Variants in ATXN10 observed in about 807,000 individuals in gnomAD.
ATXN10 encodes the protein ataxin-10.
Under a neutral mutation model 52.9 loss-of-function variants are expected in ATXN10, and 28 were observed. The ratio of observed to expected loss-of-function variants is 0.53; its 90% CI spans 0.39 to 0.73. The LOEUF is 0.73. Ranked by LOEUF, ATXN10 falls within the 30% of genes least tolerant of loss-of-function variation. The pLI, the probability that ATXN10 is intolerant of heterozygous loss-of-function variation, is 0.00. For missense variants in ATXN10, 565 were observed against 577.0 expected (o/e 0.98, Z 0.21); for synonymous variants, 226 against 221.5 (o/e 1.02, Z -0.18).
chr22:45,782,737 T>G (rs1927193186), intron 9 of ATXN10, among the ~76,000 whole-genome samples: 1 of 152,216 alleles, frequency 6.6e-6, no homozygotes, highest in South Asian at 2.1e-4. Flanking sequence ...ACGTAAGATT[T>G]GTGCACTTTA....
In ATXN10 at chr22:45,843,089, G is replaced by C. The variant is rs1481187112; in HGVS notation, c.1336G>C (p.Asp446His). 6.2e-7 allele frequency: 1 copy of C among 1,614,188 alleles called. No individual in the cohort carries two copies. Among genetic ancestry groups the C allele is most frequent in the Admixed American group, 1.7e-5 (1 of 60,024 alleles). The change falls in exon 11 of 12, where the codon GAT (aspartate) becomes CAT (histidine). Residue 446 changes from aspartate (D) to histidine (H), a missense_variant. By Grantham distance (81) the Asp-to-His change is moderately conservative. Coordinates refer to ENST00000252934, the MANE Select transcript of ATXN10 (RefSeq NM_013236.4). This position sits in a 1 kb window ranked among gnomAD's most constrained non-coding sequence, Gnocchi z 4.5. ...AAAGATGGAGGAACAGGGGCTGGCA[G>C]ATGCATCCCTACTTAAAAAAGTGGG... is the stretch of plus-strand genomic sequence containing the variant. The part of the protein sequence containing the change: ...IAKMEEQGLA[D>H]ASLLKKVGFE...
rs1371548364 is a variant in ATXN10 at position 45,693,188 on chromosome 22, A to G, written c.391+110A>G. On this transcript the variant is annotated intron_variant, in intron 3 of 11. Coordinates refer to ENST00000252934, the MANE Select transcript of ATXN10 (RefSeq NM_013236.4). The stretch of plus-strand genomic sequence containing the variant: ...AAACACATGTTCTGTATTTCATGAG[A>G]TAGGGAAACTTTAATAGTGAATTAT... 4.5e-6 allele frequency: 4 copies of G among 898,058 alleles called. No homozygotes were observed. The African/African-American group carries it at 5.0e-5, about 11-fold the overall frequency. 55.6% of individuals were successfully genotyped at this position (898,058 alleles called of 1,614,324 possible).
rs1260117726 is a variant in ATXN10 at position 45,759,692 on chromosome 22, C to T, written c.1173+19154C>T. On this transcript the variant is annotated intron_variant, in intron 9 of 11. Coordinates refer to ENST00000252934, the MANE Select transcript of ATXN10 (RefSeq NM_013236.4). This position sits in a 1 kb window ranked among gnomAD's most constrained non-coding sequence, Gnocchi z 5.4. ...GCTGCATCAGCTCCTCCCTCCCAGCCACCCTGCCCTTCATAAAGCTCTAGT... is the reference window on the plus strand; with the variant it reads ...GCTGCATCAGCTCCTCCCTCCCAGCTACCCTGCCCTTCATAAAGCTCTAGT... Among the ~76,000 whole-genome samples, 1 of 152,138 alleles carries T rather than the reference C, an allele frequency of 6.6e-6. No individual in the cohort carries two copies. Among genetic ancestry groups the T allele is most frequent in the Non-Finnish European group, 1.5e-5 (1 of 68,018 alleles).
intron 10 of ATXN10, among the ~76,000 whole-genome samples, chr22:45,817,364 G>A (rs773427012): frequency 3.2e-4 from 39 of 120,940 alleles, no homozygotes; most frequent in Non-Finnish European, 5.5e-4. Flanking sequence ...TCACTTTGTC[G>A]CCCAGGCTGG....
At position 45,715,608 on chromosome 22, in the gene ATXN10, G is replaced by T. The variant is rs1197152723; in HGVS notation, c.648-2805G>T. Among the ~76,000 whole-genome samples the T allele has an allele frequency of 6.6e-6, 1 of 152,208 alleles. No homozygotes were observed. Among genetic ancestry groups the T allele is most frequent in the Non-Finnish European group, 1.5e-5 (1 of 68,040 alleles). On this transcript the variant is annotated intron_variant, in intron 5 of 11. Coordinates refer to ENST00000252934, the MANE Select transcript of ATXN10 (RefSeq NM_013236.4). The surrounding 1 kb of genome is among the most constrained non-coding windows in gnomAD (Gnocchi z 4.4). ...GCCCCAAGACAATTCTTCTTCCAGTGTGGCCCAGGGAAGCCAAAAGATTGG... is the reference window on the plus strand; with the variant it reads ...GCCCCAAGACAATTCTTCTTCCAGTTTGGCCCAGGGAAGCCAAAAGATTGG...
intron 10 of ATXN10, among the ~76,000 whole-genome samples, chr22:45,821,104 C>T (rs1928631519): frequency 1.3e-5 from 2 of 152,154 alleles, no homozygotes; most frequent in African/African-American, 4.8e-5. Context: ...CACTTTCTGA[C>T]TGAAGATAGG....
rs977924244 is a variant in ATXN10 at position 45,769,554 on chromosome 22, A to G, written c.1173+29016A>G. 3.9e-5 allele frequency among the ~76,000 whole-genome samples: 6 copies of G among 152,180 alleles called. No homozygotes were observed. Among genetic ancestry groups the G allele is most frequent in the African/African-American group, 1.4e-4 (6 of 41,448 alleles). On this transcript the variant is annotated intron_variant, in intron 9 of 11. Coordinates refer to ENST00000252934, the MANE Select transcript of ATXN10 (RefSeq NM_013236.4). This position sits in a 1 kb window ranked among gnomAD's most constrained non-coding sequence, Gnocchi z 4.2. ...TGTGGCGATGAAGAGACTATTTCAA[A>G]GGAATGAATTACACCAGCAGAGGTA...
chr22:45,719,780 ACCT>A (rs1454304016), intron 6 of ATXN10, among the ~76,000 whole-genome samples: 1 of 152,036 alleles, frequency 6.6e-6, no homozygotes, highest in Non-Finnish European at 1.5e-5. Flanking sequence ...CTCAGTTGTC[ACCT>A]CCTCTTGCCC....
intron 10 of ATXN10, among the ~76,000 whole-genome samples, chr22:45,821,361 A>C (rs1258630958): frequency 4.0e-5 from 6 of 151,822 alleles, no homozygotes; most frequent in Admixed American, 6.6e-5. Context: ...AAAAAAAAAA[A>C]AAAAAACGAA....
rs898238399 is a variant in ATXN10 at position 45,835,004 on chromosome 22, G to A, written c.1238-7987G>A. Among the ~76,000 whole-genome samples the A allele has an allele frequency of 6.6e-6, 1 of 152,216 alleles. No homozygotes were observed. The highest frequency in any genetic ancestry group is 2.4e-5 in the African/African-American group (1 of 41,458). The stretch of plus-strand genomic sequence containing the variant: ...GTGTGTGATGGGGCTGCCAGACTGT[G>A]ACTGCTTCGTACCACGCTTTGCTTT... On this transcript the variant is annotated intron_variant, in intron 10 of 11. Transcript: ENST00000252934. The surrounding 1 kb of genome is among the most constrained non-coding windows in gnomAD (Gnocchi z 5.0).
chr22:45,827,492 A>G (rs989904499), intron 10 of ATXN10, among the ~76,000 whole-genome samples: 3 of 152,198 alleles, frequency 2.0e-5, no homozygotes, highest in Non-Finnish European at 4.4e-5. Flanking sequence ...GTGGTAAGAG[A>G]GAGCAGACGT....
intron 10 of ATXN10, among the ~76,000 whole-genome samples, chr22:45,827,297 CATAA>C (rs972585475): frequency 2.6e-5 from 4 of 152,152 alleles, no homozygotes; most frequent in African/African-American, 9.6e-5. Flanking sequence ...AGCAAAATGA[CATAA>C]ATAAGCCCTT....
rs986490720 is a variant in ATXN10, at chr22:45,774,208, C to T, written c.1174-32751C>T. 2.0e-5 allele frequency among the ~76,000 whole-genome samples: 3 copies of T among 152,228 alleles called. No individual in the cohort carries two copies. The highest frequency in any genetic ancestry group is 2.0e-4 in the Admixed American group (3 of 15,288). On this transcript the variant is annotated intron_variant, in intron 9 of 11. Coordinates refer to ENST00000252934, the MANE Select transcript of ATXN10 (RefSeq NM_013236.4). The surrounding 1 kb of genome is among the most constrained non-coding windows in gnomAD (Gnocchi z 6.2). ...GTAGGCATGGTGGGGCACCTGCCTC[C>T]TACTTGGCATTTCTGCTGGGGGAGT... is the stretch of plus-strand genomic sequence containing the variant.
intron 6 of ATXN10, among the ~76,000 whole-genome samples, chr22:45,726,632 G>A (rs1176267146): frequency 1.3e-5 from 2 of 151,726 alleles, no homozygotes; most frequent in African/African-American, 4.8e-5. Flanking sequence ...CTTTTGTTTC[G>A]ATTTCATTTA....
In ATXN10 at chr22:45,705,502, C is replaced by T. The variant is rs150716808; in HGVS notation, c.647+2655C>T. Among the ~76,000 whole-genome samples the T allele has an allele frequency of 6.6e-6, 1 of 151,808 alleles. No homozygotes were observed. Among genetic ancestry groups the T allele is most frequent in the East Asian group, 1.9e-4 (1 of 5,164 alleles). Reference sequence around the variant, plus strand: ...AGGCTGGAGTGCAGTGGTGCGATCTCGGCTCACTGCAACCTCCGCCTCTTG... The same window carrying T: ...AGGCTGGAGTGCAGTGGTGCGATCTTGGCTCACTGCAACCTCCGCCTCTTG... On this transcript the variant is annotated intron_variant, in intron 5 of 11. Transcript: ENST00000252934. This position sits in a 1 kb window ranked among gnomAD's most constrained non-coding sequence, Gnocchi z 5.2.
chr22:45,745,160 T>C lies in ATXN10; in HGVS notation c.1173+4622T>C, dbSNP rs566095259. On this transcript the variant is annotated intron_variant, in intron 9 of 11. Transcript: ENST00000252934. ...AATGCTATAAACATGAAGAAAGCAT[T>C]CTTCAGCTTCTTCTTTGTTAGAATA... Among the ~76,000 whole-genome samples the C allele has an allele frequency of 5.3e-5, 8 of 152,348 alleles. No homozygotes were observed. The South Asian group carries it at 1.4e-3, about 28-fold the overall frequency.
rs1261469645 is a variant in ATXN10 at position 45,790,437 on chromosome 22, AGTTACCC to A, written c.1174-16521_1174-16515del. On this transcript the variant is annotated intron_variant, in intron 9 of 11. Coordinates refer to ENST00000252934, the MANE Select transcript of ATXN10 (RefSeq NM_013236.4). The surrounding 1 kb of genome is among the most constrained non-coding windows in gnomAD (Gnocchi z 4.7). Reference sequence around the variant, plus strand: ...ACAAGCCAATTCCTGGTCTTCTAATAGTTACCCCAAGCAAAAGTATGTCTCCAGAAAC... The same window carrying A: ...ACAAGCCAATTCCTGGTCTTCTAATACAAGCAAAAGTATGTCTCCAGAAAC... Among the ~76,000 whole-genome samples the A allele has an allele frequency of 6.6e-6, 1 of 152,214 alleles. No individual in the cohort carries two copies. The highest frequency in any genetic ancestry group is 1.5e-5 in the Non-Finnish European group (1 of 68,042).
At position 45,696,852 on chromosome 22, in the gene ATXN10, C is replaced by G. The variant is rs570742069; in HGVS notation, c.392-3430C>G. ...AATTTAACGGAGCAGATATCTGAAACTACTTTTATGAACCAGTTTGTCATT... is the reference window on the plus strand; with the variant it reads ...AATTTAACGGAGCAGATATCTGAAAGTACTTTTATGAACCAGTTTGTCATT... On this transcript the variant is annotated intron_variant, in intron 3 of 11. Transcript: ENST00000252934. The surrounding 1 kb of genome is among the most constrained non-coding windows in gnomAD (Gnocchi z 4.7). Among the ~76,000 whole-genome samples the G allele has an allele frequency of 6.6e-6, 1 of 152,300 alleles. No individual in the cohort carries two copies. Among genetic ancestry groups the G allele is most frequent in the South Asian group, 2.1e-4 (1 of 4,824 alleles).
intron 9 of ATXN10, among the ~76,000 whole-genome samples, chr22:45,752,098 A>T (rs1925997827): frequency 6.6e-6 from 1 of 152,206 alleles, no homozygotes. Context: ...GCTATATTGC[A>T]GTTAAAGTTG....
Sources: allele counts gnomAD v4.1 joint callset (sites outside exome capture counted in the v4.1 genomes callset), GRCh38; gene constraint gnomAD v4.1.1; non-coding constraint Gnocchi (gnomAD v3.1); transcripts MANE v1.5; gene names NCBI Gene and HGNC (gene_info 2026-07-23, HGNC 2026-07-21).